SAMSN1: variants seen among roughly 807,000 people sequenced by gnomAD.
SAMSN1 encodes the protein SAM domain, SH3 domain and nuclear localization signals 1, also known as SAM domain-containing protein SAMSN-1.
Under a neutral mutation model 42.0 loss-of-function variants are expected in SAMSN1, and 31 were observed. The observed-to-expected ratio is 0.74, with a 90% CI of 0.55 to 1.00. The LOEUF (loss-of-function observed/expected upper bound fraction) is 1.00, where lower values mean the gene tolerates loss of function less well. Among genes scored for constraint, SAMSN1 ranks in the 50% least tolerant of loss-of-function variants. The pLI is 0.00. For synonymous variants in SAMSN1, 178 were observed against 151.9 expected, an observed-to-expected ratio of 1.17 and a Z score of -1.26; for missense variants, 464 against 439.4, an observed-to-expected ratio of 1.06 and a Z score of -0.50.
At chr21:14,579,116 G>T (rs572248366) in intron 2 of SAMSN1, among the ~76,000 whole-genome samples, 22 of 152,232 alleles carry the variant, frequency 1.4e-4, no homozygotes, top group Admixed American at 6.5e-4. Context: ...ATAATAATTT[G>T]CACTCATCCA....
intron 2 of SAMSN1, among the ~76,000 whole-genome samples, chr21:14,566,273 A>C (rs985692675): frequency 2.0e-5 from 3 of 152,222 alleles, no homozygotes; most frequent in Non-Finnish European, 2.9e-5. Flanking sequence ...CATCAGAAAA[A>C]GCACACTACA....
chr21:14,595,193 A>G (rs1409458580), intron 6 of SAMSN1, among the ~76,000 whole-genome samples: 3 of 152,180 alleles, frequency 2.0e-5, no homozygotes, highest in Non-Finnish European at 4.4e-5. Context: ...CAGGAACCAC[A>G]GTTCAACAGG....
chr21:14,605,111 G>A (rs1982532699), intron 5 of SAMSN1, among the ~76,000 whole-genome samples: 1 of 152,328 alleles, frequency 6.6e-6, no homozygotes, highest in African/African-American at 2.4e-5. Flanking sequence ...AGCAAGGGAT[G>A]ATGTAAAAAA....
At chr21:14,607,241 C>T (rs1183148536) in intron 5 of SAMSN1, among the ~76,000 whole-genome samples, 2 of 152,148 alleles carry the variant, frequency 1.3e-5, no homozygotes, top group African/African-American at 4.8e-5. Flanking sequence ...GGAAACTACT[C>T]TTAAGTAGTT....
At chr21:14,518,739 C>G (rs1230919153) in intron 2 of SAMSN1, among the ~76,000 whole-genome samples, 1 of 152,104 alleles carries the variant, frequency 6.6e-6, no homozygotes, top group African/African-American at 2.4e-5. Context: ...CAATTTAAAC[C>G]CTCATTGCAC....
chr21:14,594,865 G>A (rs528597850), intron 6 of SAMSN1: 2 of 152,266 alleles, frequency 1.3e-5, no homozygotes, highest in South Asian at 4.1e-4. Flanking sequence ...ACCTAAGACT[G>A]GGTAATTTAC....
rs1309105310 is a variant in SAMSN1 at position 14,510,199 on chromosome 21, G to C, written c.561+111C>G. The C allele has an allele frequency of 9.6e-6, 10 of 1,037,174 alleles. No individual in the cohort carries two copies. In the East Asian group the frequency reaches 2.4e-4, roughly 25 times the overall value. The allele number at this position is 1,037,174 out of a possible 1,614,324, so 64.2% of individuals were successfully genotyped here. On this transcript the variant is annotated intron_variant, in intron 5 of 7. Transcript: ENST00000400566. ...CTGTAAGCTAGCCTCCACTTCTACT[G>C]TTGGGAAGAACACACTCACACTGTC... is the stretch of plus-strand genomic sequence containing the variant.
At chr21:14,523,428 C>A (rs2822724) in intron 1 of SAMSN1, 42,625 of 152,118 alleles carry the variant, frequency 0.28, 6,718 homozygotes, top group Non-Finnish European at 0.35. Flanking sequence ...AAAGCTGAAA[C>A]TGAGAACCAC....
upstream of SAMSN1, chr21:14,583,858 G>A: frequency 3.2e-6 from 2 of 629,136 alleles, no homozygotes; most frequent in Non-Finnish European, 5.8e-6. Context: ...TCATAAATGT[G>A]GAAAAATTAA....
At chr21:14,654,083 G>T (rs1216462063) in intron 1 of SAMSN1, among the ~76,000 whole-genome samples, 1 of 151,654 alleles carries the variant, frequency 6.6e-6, no homozygotes, top group Admixed American at 6.6e-5. Flanking sequence ...CTTTGTATTT[G>T]GGAAGCAAAT....
At chr21:14,496,271 G>GT (rs1226710019) in intron 7 of SAMSN1, 1 of 152,180 alleles carries the variant, frequency 6.6e-6, no homozygotes, top group African/African-American at 2.4e-5. Context: ...ATTTGCACAT[G>GT]TGGAGGAGTT....
intron 2 of SAMSN1, among the ~76,000 whole-genome samples, chr21:14,573,703 C>T (rs1376678886): frequency 1.3e-5 from 2 of 152,120 alleles, no homozygotes; most frequent in African/African-American, 4.8e-5. Flanking sequence ...TCATTGTATC[C>T]TTATGACCCA....
chr21:14,549,975 C>T (rs533041039), upstream of SAMSN1, among the ~76,000 whole-genome samples: 59 of 152,062 alleles, frequency 3.9e-4, no homozygotes, highest in Non-Finnish European at 2.8e-4. Context: ...AATAAGTACA[C>T]ATTGCCATCT....
intron 3 of SAMSN1, among the ~76,000 whole-genome samples, chr21:14,613,195 CAA>C (rs1982753726): frequency 6.6e-6 from 1 of 151,920 alleles, no homozygotes; most frequent in African/African-American, 2.4e-5. Flanking sequence ...TCAGGATAAC[CAA>C]ATAGTTACTA....
intron 2 of SAMSN1, among the ~76,000 whole-genome samples, chr21:14,569,688 C>T (rs117399602): frequency 0.011 from 1,685 of 152,142 alleles, 17 homozygotes; most frequent in Admixed American, 0.016. Flanking sequence ...GGGAACTGGC[C>T]AAAGAAACAC....
intron 1 of SAMSN1, among the ~76,000 whole-genome samples, chr21:14,648,394 G>C (rs892993021): frequency 9.9e-5 from 15 of 152,094 alleles, no homozygotes; most frequent in Non-Finnish European, 1.9e-4. Context: ...AAAAGCAATG[G>C]CAACAAAAGC....
chr21:14,587,524 A>C (rs1201667317), upstream of SAMSN1, among the ~76,000 whole-genome samples: 1 of 151,962 alleles, frequency 6.6e-6, no homozygotes, highest in Non-Finnish European at 1.5e-5. Context: ...CCTTTTCTTG[A>C]AATTAAATTT....
chr21:14,597,857 G>T (rs989008541), intron 6 of SAMSN1: 4 of 152,092 alleles, frequency 2.6e-5, no homozygotes, highest in Admixed American at 6.6e-5. Flanking sequence ...CCAGCTCCAG[G>T]CAGGAAAGAG....
At chr21:14,532,708 A>G (rs1273390729) in intron 1 of SAMSN1, among the ~76,000 whole-genome samples, 2 of 152,120 alleles carry the variant, frequency 1.3e-5, no homozygotes, top group Admixed American at 1.3e-4. Flanking sequence ...TTTTATTGGT[A>G]ATGACTTTTT....
Sources: gnomAD v4.1 joint callset for allele counts (sites outside exome capture counted in the v4.1 genomes callset) on GRCh38, gnomAD v4.1.1 for gene constraint, MANE v1.5 for transcripts, NCBI Gene and HGNC (gene_info 2026-07-23, HGNC 2026-07-21) for gene names.